The following ADCK2 variants were observed in gnomAD, a reference collection of about 807,000 sequenced individuals.
ADCK2 encodes the protein aarF domain containing kinase 2, also known as uncharacterized aarF domain-containing protein kinase 2.
Under a neutral mutation model 52.3 loss-of-function variants are expected in ADCK2, and 37 were observed. The ratio of observed to expected loss-of-function variants is 0.71; its 90% CI spans 0.54 to 0.93. The LOEUF is 0.93. ADCK2 is among the 40% of genes least tolerant of loss of function. ADCK2 has a pLI of 0.00. For missense variants in ADCK2, 695 were observed against 798.7 expected (o/e 0.87, Z 1.56); for synonymous variants, 321 against 349.2 (o/e 0.92, Z 0.90).
Position 140,693,543 on chromosome 7 carries a change from C to A in ADCK2, c.1741-1120C>A, listed in dbSNP as rs967060226. 2.0e-5 allele frequency among the ~76,000 whole-genome samples: 3 copies of A among 152,218 alleles called. No individual in the cohort carries two copies. The highest frequency in any genetic ancestry group is 6.5e-5 in the Admixed American group (1 of 15,282). ...TTCCTCCTCACTCAGTGGCCTTGAG[C>A]AAGTCATTGAACCTCTCTGAGCCAC... is the stretch of plus-strand genomic sequence containing the variant. On this transcript the variant is annotated intron_variant, in intron 7 of 7. Coordinates refer to ENST00000072869, the MANE Select transcript of ADCK2 (RefSeq NM_052853.4). This position sits in a 1 kb window ranked among gnomAD's most constrained non-coding sequence, Gnocchi z 4.0.
At chr7:140,679,099 T>C in intron 2 of ADCK2, 56 bp from the exon 3 acceptor site, 1 of 1,592,502 alleles carries the variant, frequency 6.3e-7, no homozygotes, top group African/African-American at 1.3e-5. Flanking sequence ...GCATTGCAGA[T>C]GTCACTGTGC....
Position 140,673,910 on chromosome 7 carries a change from T to TG in ADCK2, c.585dup (p.Ser196GlufsTer6), listed in dbSNP as rs771317443. 3.0e-5 allele frequency: 48 copies of TG among 1,613,830 alleles called. No homozygotes were observed. Among genetic ancestry groups the TG allele is most frequent in the Non-Finnish European group, 3.9e-5 (46 of 1,180,050 alleles). On this transcript the variant is annotated frameshift_variant, in exon 1 of 8. Coordinates refer to ENST00000072869, the MANE Select transcript of ADCK2 (RefSeq NM_052853.4). LOFTEE classifies it high-confidence loss of function. The surrounding 1 kb of genome is among the most constrained non-coding windows in gnomAD (Gnocchi z 6.4). ...CCTTCGGCAGGCTTTTGGGGATGAC[T>TG]GGGGGAGCATCCTCTCTTTTGAGAA... is the stretch of plus-strand genomic sequence containing the variant.
Position 140,681,147 on chromosome 7 carries a change from T to C in ADCK2, c.1305+10T>C, listed in dbSNP as rs760588742. The C allele has an allele frequency of 1.9e-6, 3 of 1,612,724 alleles. No individual in the cohort carries two copies. Among genetic ancestry groups the C allele is most frequent in the East Asian group, 2.2e-5 (1 of 44,812 alleles). ...CATGCTCCTGAAGATGGTGAGCTCA[T>C]GGCTGGAGCGGGCTCAGGCCCAGCA... is the stretch of plus-strand genomic sequence containing the variant. On this transcript the variant is annotated intron_variant, in intron 4 of 7. Coordinates refer to ENST00000072869, the MANE Select transcript of ADCK2 (RefSeq NM_052853.4).
intron 5 of ADCK2, among the ~76,000 whole-genome samples, chr7:140,689,087 C>A (rs539079714): frequency 2.4e-4 from 37 of 152,000 alleles, no homozygotes; most frequent in African/African-American, 8.9e-4. Flanking sequence ...CCTGCCTCAG[C>A]CTCCCAGGTA....
chr7:140,678,489 G>A lies in ADCK2; in HGVS notation c.1081-666G>A, dbSNP rs1794460377. ...ACACACACGCTCACTTCGGTCAGGA[G>A]AAAGGACATCAGCTCCTGGGGGCAC... is the stretch of plus-strand genomic sequence containing the variant. On this transcript the variant is annotated intron_variant, in intron 2 of 7. Transcript: ENST00000072869. This position sits in a 1 kb window ranked among gnomAD's most constrained non-coding sequence, Gnocchi z 4.9. 6.6e-6 allele frequency among the ~76,000 whole-genome samples: 1 copy of A among 152,298 alleles called. No individual in the cohort carries two copies. The highest frequency in any genetic ancestry group is 2.1e-4 in the South Asian group (1 of 4,828).
At chr7:140,680,431 G>C (rs890209867) in intron 3 of ADCK2, among the ~76,000 whole-genome samples, 1 of 151,582 alleles carries the variant, frequency 6.6e-6, no homozygotes, top group Non-Finnish European at 1.5e-5. Flanking sequence ...AGGATTATAC[G>C]TGTTAGCCAC....
rs374278300 is a variant in ADCK2 at position 140,694,800 on chromosome 7, G to A, written c.1878G>A (p.Pro626=). The A allele has an allele frequency of 5.8e-5, 94 of 1,612,388 alleles. No homozygotes were observed. Among genetic ancestry groups the A allele is most frequent in the African/African-American group, 4.4e-4 (33 of 74,894 alleles). Residue 626 remains proline (P), a synonymous_variant, in exon 8 of 8, where the codon CCG becomes CCA. Transcript: ENST00000072869. ...TCCTCACGGGCCCAGTGTGCCCCCCGTGATGGGGCAGTGGCCTCTGTGGGC... is the reference window on the plus strand; with the variant it reads ...TCCTCACGGGCCCAGTGTGCCCCCCATGATGGGGCAGTGGCCTCTGTGGGC... ...PFLLTGPVCP[P]
chr7:140,688,042 C>G (rs1447917177), intron 5 of ADCK2, among the ~76,000 whole-genome samples: 1 of 150,932 alleles, frequency 6.6e-6, no homozygotes, highest in Non-Finnish European at 1.5e-5. Flanking sequence ...ATGCCTCTGT[C>G]TCTGTCTTTT....
At chr7:140,687,351 G>C in intron 5 of ADCK2, 110 bp downstream of exon 5, 1 of 1,400,610 alleles carries the variant, frequency 7.1e-7, no homozygotes, top group Non-Finnish European at 9.5e-7. Flanking sequence ...AGCCTGAGCG[G>C]GGAGGATTGC....
At chr7:140,686,405 C>T (rs544549327) in intron 4 of ADCK2, among the ~76,000 whole-genome samples, 12 of 152,290 alleles carry the variant, frequency 7.9e-5, no homozygotes, top group African/African-American at 1.4e-4. Flanking sequence ...CTCAGCCTCC[C>T]GAGTAGCTGG....
Position 140,673,882 on chromosome 7 carries a change from C to G in ADCK2, c.552C>G (p.Arg184=). 1.2e-6 allele frequency: 2 copies of G among 1,614,050 alleles called. No individual in the cohort carries two copies. Among genetic ancestry groups the G allele is most frequent in the Non-Finnish European group, 1.7e-6 (2 of 1,180,050 alleles). Residue 184 remains arginine, a synonymous_variant, in exon 1 of 8, where the codon CGC becomes CGG. Coordinates refer to ENST00000072869, the MANE Select transcript of ADCK2 (RefSeq NM_052853.4). This position sits in a 1 kb window ranked among gnomAD's most constrained non-coding sequence, Gnocchi z 6.4. ...CCCACCCGTGGACTCACACTGAGCG[C>G]TTCCTTCGGCAGGCTTTTGGGGATG... ...VTPHPWTHTE[R]FLRQAFGDDW...
rs774520715 is a variant in ADCK2, at chr7:140,674,791, C to A, written c.1080+34C>A. The stretch of plus-strand genomic sequence containing the variant: ...TCCTCCCCTCAGCTGTAAATAGCAC[C>A]TAACATAGTTCTTGCCATTAGCTGC... On this transcript the variant is annotated intron_variant, in intron 2 of 7. Coordinates refer to ENST00000072869, the MANE Select transcript of ADCK2 (RefSeq NM_052853.4). This position sits in a 1 kb window ranked among gnomAD's most constrained non-coding sequence, Gnocchi z 4.6. 6.2e-7 allele frequency: 1 copy of A among 1,601,078 alleles called. No homozygotes were observed. The highest frequency in any genetic ancestry group is 1.3e-5 in the African/African-American group (1 of 74,806).
intron 4 of ADCK2, among the ~76,000 whole-genome samples, chr7:140,682,826 CA>C (rs397889908): frequency 0.25 from 16,496 of 65,222 alleles, 1,724 homozygotes; most frequent in African/African-American, 0.44. Context: ...CCTGTCACTA[CA>C]AAAAAAAAAA....
Position 140,694,782 on chromosome 7 carries a change from G to C in ADCK2, c.1860G>C (p.Thr620=). The C allele has an allele frequency of 6.2e-7, 1 of 1,613,556 alleles. No homozygotes were observed. Among genetic ancestry groups the C allele is most frequent in the East Asian group, 2.2e-5 (1 of 44,856 alleles). Residue 620 remains threonine, a synonymous_variant, in exon 8 of 8, where the codon ACG becomes ACC. Coordinates refer to ENST00000072869, the MANE Select transcript of ADCK2 (RefSeq NM_052853.4). ...ILEAARPFLL[T]GPVCPP Reference sequence around the variant, plus strand: ...AGGCAGCGAGGCCCTTCCTCCTCACGGGCCCAGTGTGCCCCCCGTGATGGG... The same window carrying C: ...AGGCAGCGAGGCCCTTCCTCCTCACCGGCCCAGTGTGCCCCCCGTGATGGG...
intron 6 of ADCK2, 23 bp downstream of exon 6, chr7:140,689,748 A>G (rs1395684284): frequency 6.2e-7 from 1 of 1,601,442 alleles, no homozygotes; most frequent in African/African-American, 1.3e-5. Context: ...CTTGCGGAAC[A>G]GGGGCTGGGG....
Position 140,682,361 on chromosome 7 carries a change from T to A in ADCK2, c.1305+1224T>A, listed in dbSNP as rs1204552820. ...AGGGAGTTGTCTAGAGAGAATAGCCTTTGCTGAGGCCTGGGGTGAGCTACT... is the reference window on the plus strand; with the variant it reads ...AGGGAGTTGTCTAGAGAGAATAGCCATTGCTGAGGCCTGGGGTGAGCTACT... On this transcript the variant is annotated intron_variant, in intron 4 of 7. Coordinates refer to ENST00000072869, the MANE Select transcript of ADCK2 (RefSeq NM_052853.4). Among the ~76,000 whole-genome samples the A allele has an allele frequency of 3.3e-5, 5 of 152,190 alleles. No homozygotes were observed. In the South Asian group the frequency reaches 1.0e-3, roughly 32 times the overall value.
chr7:140,692,006 C>T (rs1794716907), intron 7 of ADCK2, among the ~76,000 whole-genome samples: 1 of 152,234 alleles, frequency 6.6e-6, no homozygotes, highest in African/African-American at 2.4e-5. Context: ...GCAGCTACTG[C>T]ACTCCAAGCA....
rs2130781738 is a variant in ADCK2, at chr7:140,678,315, C to T, written c.1081-840C>T. Among the ~76,000 whole-genome samples, 1 of 152,254 alleles carries T rather than the reference C, an allele frequency of 6.6e-6. No individual in the cohort carries two copies. The highest frequency in any genetic ancestry group is 2.1e-4 in the South Asian group (1 of 4,824). On this transcript the variant is annotated intron_variant, in intron 2 of 7. Coordinates refer to ENST00000072869, the MANE Select transcript of ADCK2 (RefSeq NM_052853.4). The surrounding 1 kb of genome is among the most constrained non-coding windows in gnomAD (Gnocchi z 4.9). Reference sequence around the variant, plus strand: ...ATGGTGAAGGGAAATTCCATTTAGGCACAGAGCTTCAGGGTCTCTGGGCTC... The same window carrying T: ...ATGGTGAAGGGAAATTCCATTTAGGTACAGAGCTTCAGGGTCTCTGGGCTC...
intron 4 of ADCK2, among the ~76,000 whole-genome samples, chr7:140,682,464 G>A (rs1304331857): frequency 1.3e-5 from 2 of 152,136 alleles, no homozygotes; most frequent in East Asian, 3.8e-4. Context: ...TGATTGCTGA[G>A]GCTGAGGAGG....
Sources: allele counts gnomAD v4.1 joint callset (sites outside exome capture counted in the v4.1 genomes callset), GRCh38; gene constraint gnomAD v4.1.1; non-coding constraint Gnocchi (gnomAD v3.1); transcripts MANE v1.5; gene names NCBI Gene and HGNC (gene_info 2026-07-23, HGNC 2026-07-21).